The following HOMER1 variants were observed in gnomAD, a reference collection of about 807,000 sequenced individuals.
HOMER1 encodes homer protein homolog 1.
A neutral mutation model predicts 48.9 loss-of-function variants in HOMER1; 3 were observed. The ratio of observed to expected loss-of-function variants is 0.06; its 90% CI spans 0.03 to 0.16. The LOEUF (loss-of-function observed/expected upper bound fraction) is 0.16, where lower values mean the gene tolerates loss of function less well. Ranked by LOEUF, HOMER1 falls within the 10% of genes least tolerant of loss-of-function variation. The pLI, the probability that HOMER1 is intolerant of heterozygous loss-of-function variation, is 1.00. For synonymous variants in HOMER1, 134 were observed against 146.4 expected, an observed-to-expected ratio of 0.92 and a Z score of 0.61; for missense variants, 247 against 411.4, an observed-to-expected ratio of 0.60 and a Z score of 3.46.
At position 79,503,532 on chromosome 5, in the gene HOMER1, G is replaced by GAAAA. The variant is rs1561390633; in HGVS notation, c.5+9237_5+9238insTTTT. Among the ~76,000 whole-genome samples the GAAAA allele has an allele frequency of 3.2e-5, 3 of 94,024 alleles. 1 individual carries two copies. The highest frequency in any genetic ancestry group is 1.1e-4 in the African/African-American group (3 of 26,672). 61.7% of individuals were successfully genotyped at this position (94,024 alleles called of 152,430 possible). A position where few individuals can be genotyped will look rare whatever the true frequency, so the allele number is the denominator to read the frequency against. On this transcript the variant is annotated intron_variant, in intron 1 of 8. Coordinates refer to ENST00000334082, the MANE Select transcript of HOMER1 (RefSeq NM_004272.5). ...TGACAGAGTGAGACTCTGTCACAAA[G>GAAAA]AGAAAAAAAAAAAAAAAAAAAACAG... is the stretch of plus-strand genomic sequence containing the variant.
intron 1 of HOMER1, among the ~76,000 whole-genome samples, chr5:79,474,154 C>G (rs1405745937): frequency 6.6e-6 from 1 of 151,538 alleles, no homozygotes; most frequent in Non-Finnish European, 1.5e-5. Flanking sequence ...CCTATCCAGT[C>G]AGCCTCCCAA....
intron 5 of HOMER1, among the ~76,000 whole-genome samples, chr5:79,405,645 C>G (rs1749643987): frequency 6.6e-6 from 1 of 152,140 alleles, no homozygotes; most frequent in South Asian, 2.1e-4. Flanking sequence ...CCAGTTATTA[C>G]ACCCATCCTT....
chr5:79,441,305 G>A (rs765032311), intron 4 of HOMER1, among the ~76,000 whole-genome samples: 1 of 152,148 alleles, frequency 6.6e-6, no homozygotes, highest in Non-Finnish European at 1.5e-5. Flanking sequence ...GAGAGGAAGA[G>A]CAGTAGCAGT....
At position 79,376,135 on chromosome 5, in the gene HOMER1, C is replaced by T; in HGVS notation, c.939G>A (p.Glu313=). The change falls in exon 9 of 9, where the codon GAG becomes GAA. Residue 313 remains glutamate, a synonymous_variant. Coordinates refer to ENST00000334082, the MANE Select transcript of HOMER1 (RefSeq NM_004272.5). ...GQLSDLEQRL[E]KSQNEQEAFR... is the part of the protein sequence containing the mutation. Reference sequence around the variant, plus strand: ...AAGCTTCTTGTTCATTCTGACTTTTCTCCAGACGTTGCTCTAAGTCAGACA... The same window carrying T: ...AAGCTTCTTGTTCATTCTGACTTTTTTCCAGACGTTGCTCTAAGTCAGACA... 1 of 1,613,782 alleles carries T rather than the reference C, an allele frequency of 6.2e-7. No homozygotes were observed. Among genetic ancestry groups the T allele is most frequent in the Non-Finnish European group, 8.5e-7 (1 of 1,179,800 alleles).
At chr5:79,481,001 C>T (rs1167100544) in intron 1 of HOMER1, among the ~76,000 whole-genome samples, 3 of 152,006 alleles carry the variant, frequency 2.0e-5, no homozygotes, top group Admixed American at 1.3e-4. Context: ...CTTTATTTGC[C>T]CCATATAAAG....
chr5:79,514,117 C>CT lies in HOMER1; in HGVS notation c.-1344dup, dbSNP rs1289108468. On this transcript the variant is annotated 5_prime_UTR_variant, in exon 1 of 9. Coordinates refer to ENST00000334082, the MANE Select transcript of HOMER1 (RefSeq NM_004272.5). The stretch of plus-strand genomic sequence containing the variant: ...CCCGGTCAGCGCCGCCGGCGTGAAG[C>CT]TAGCGCGGCGGCAGAGTGGGCTGCG... The CT allele has an allele frequency of 6.6e-6, 1 of 152,080 alleles. No individual in the cohort carries two copies. Among genetic ancestry groups the CT allele is most frequent in the Non-Finnish European group, 1.5e-5 (1 of 68,018 alleles). 9.4% of individuals were successfully genotyped at this position (152,080 alleles called of 1,614,324 possible).
At chr5:79,405,136 T>C (rs1322577066) in intron 5 of HOMER1, among the ~76,000 whole-genome samples, 3 of 152,036 alleles carry the variant, frequency 2.0e-5, no homozygotes, top group Admixed American at 6.6e-5. Flanking sequence ...AAGAGGTAAT[T>C]AAGGTTTAAT....
At chr5:79,384,643 CTA>C (rs1462456745) in intron 8 of HOMER1, among the ~76,000 whole-genome samples, 8 of 152,086 alleles carry the variant, frequency 5.3e-5, no homozygotes, top group East Asian at 1.9e-4. Flanking sequence ...CTAACTTATT[CTA>C]TGAGGCCAGC....
intron 1 of HOMER1, among the ~76,000 whole-genome samples, chr5:79,472,063 T>C (rs1368642152): frequency 6.6e-6 from 1 of 152,206 alleles, no homozygotes; most frequent in Non-Finnish European, 1.5e-5. Flanking sequence ...CTTTCTTATA[T>C]ATTGTCCTTT....
intron 2 of HOMER1, among the ~76,000 whole-genome samples, chr5:79,456,504 G>A (rs528241841): frequency 1.3e-5 from 2 of 152,314 alleles, no homozygotes; most frequent in Non-Finnish European, 2.9e-5. Flanking sequence ...GTCTGTAGCA[G>A]TATATTTGAA....
intron 8 of HOMER1, among the ~76,000 whole-genome samples, chr5:79,393,059 T>C (rs1424579763): frequency 6.6e-6 from 1 of 151,940 alleles, no homozygotes; most frequent in African/African-American, 2.4e-5. Flanking sequence ...GTAAAGGGTA[T>C]ATAAAAAATT....
chr5:79,429,949 G>C (rs937576609), intron 5 of HOMER1, among the ~76,000 whole-genome samples: 1 of 151,902 alleles, frequency 6.6e-6, no homozygotes, highest in African/African-American at 2.4e-5. Context: ...CATGAACCCA[G>C]GCCGCAGAGC....
Position 79,376,171 on chromosome 5 carries a change from C to A in HOMER1, c.903G>T (p.Leu301=). Reference sequence around the variant, plus strand: ...GCTCTAAGTCAGACAGTTGTCCCTCCAGGTCTTTGTTCCGAATTTCTACTT... The same window carrying A: ...GCTCTAAGTCAGACAGTTGTCCCTCAAGGTCTTTGTTCCGAATTTCTACTT... ...LQEVEIRNKD[L]EGQLSDLEQR... The change falls in exon 9 of 9, where the codon CTG becomes CTT. Residue 301 remains leucine, a synonymous_variant. Transcript: ENST00000334082. 9 of 1,612,342 alleles carry A rather than the reference C, an allele frequency of 5.6e-6. No individual in the cohort carries two copies. Among genetic ancestry groups the A allele is most frequent in the Non-Finnish European group, 7.6e-6 (9 of 1,179,408 alleles).
At chr5:79,512,724 C>A (rs746958903) in intron 1 of HOMER1, 46 bp downstream of exon 1, 3 of 1,587,238 alleles carry the variant, frequency 1.9e-6, no homozygotes, top group Non-Finnish European at 2.6e-6. Flanking sequence ...CAATAATACA[C>A]ATACATAAAC....
chr5:79,478,500 G>A (rs1031511587), intron 1 of HOMER1, among the ~76,000 whole-genome samples: 1 of 139,138 alleles, frequency 7.2e-6, no homozygotes, highest in African/African-American at 2.9e-5. Context: ...ACCAGCCTGG[G>A]CAACATGGTG....
intron 8 of HOMER1, among the ~76,000 whole-genome samples, chr5:79,379,792 T>C (rs1748918131): frequency 6.6e-6 from 1 of 152,082 alleles, no homozygotes; most frequent in Admixed American, 6.6e-5. Flanking sequence ...CATTATCATT[T>C]TGGCTCTGTT....
chr5:79,414,282 A>G (rs1398044547), intron 5 of HOMER1, among the ~76,000 whole-genome samples: 1 of 150,374 alleles, frequency 6.7e-6, no homozygotes, highest in Non-Finnish European at 1.5e-5. Flanking sequence ...TTTTGTACAG[A>G]TGCAGTTTTG....
intron 5 of HOMER1, among the ~76,000 whole-genome samples, chr5:79,408,305 T>TC (rs1219413464): frequency 2.6e-5 from 4 of 152,024 alleles, no homozygotes; most frequent in South Asian, 4.2e-4. Flanking sequence ...ATAGGAAAAA[T>TC]ATCTTTCAAA....
intron 1 of HOMER1, among the ~76,000 whole-genome samples, chr5:79,483,201 A>G (rs1455513430): frequency 6.6e-6 from 1 of 152,232 alleles, no homozygotes; most frequent in African/African-American, 2.4e-5. Context: ...GTTATGGAGC[A>G]TATTACATAC....
Sources: allele counts gnomAD v4.1 joint callset (sites outside exome capture counted in the v4.1 genomes callset), GRCh38; gene constraint gnomAD v4.1.1; transcripts MANE v1.5; gene names NCBI Gene and HGNC (gene_info 2026-07-23, HGNC 2026-07-21).